Variants in SLIT3 observed in about 807,000 individuals in gnomAD.
The protein encoded by SLIT3 is slit homolog 3 protein.
Under a neutral mutation model 184.0 loss-of-function variants are expected in SLIT3, and 68 were observed. That is an observed-to-expected ratio of 0.37 (90% CI 0.30 to 0.45). The LOEUF (loss-of-function observed/expected upper bound fraction) is 0.45, where lower values mean the gene tolerates loss of function less well. Ranked by LOEUF, SLIT3 falls within the 20% of genes least tolerant of loss-of-function variation. The pLI is 1.00. For missense variants in SLIT3, 1,707 were observed against 2,026.0 expected, an observed-to-expected ratio of 0.84 and a Z score of 3.02; for synonymous variants, 831 against 828.6, an observed-to-expected ratio of 1.00 and a Z score of -0.05.
Position 168,853,717 on chromosome 5 carries a change from G to A in SLIT3, c.486-9062C>T, listed in dbSNP as rs1291421603. Among the ~76,000 whole-genome samples, 11 of 152,288 alleles carry A rather than the reference G, an allele frequency of 7.2e-5. No individual in the cohort carries two copies. In the East Asian group the frequency reaches 9.7e-4, roughly 13 times the overall value. On this transcript the variant is annotated intron_variant, in intron 5 of 35. Coordinates refer to ENST00000519560, the MANE Select transcript of SLIT3 (RefSeq NM_003062.4). ...TGAACCCAGTTCTGTCCATGCTCAC[G>A]ATGACTGTAAGAGATGCTGCTCCTC...
chr5:168,774,641 G>T lies in SLIT3; in HGVS notation c.1152-263C>A, dbSNP rs1381813749. Among the ~76,000 whole-genome samples, 7 of 152,264 alleles carry T rather than the reference G, an allele frequency of 4.6e-5. No individual in the cohort carries two copies. The South Asian group carries it at 1.5e-3, about 32-fold the overall frequency. ...CTTGGCACCTTCTCTTGCACCCATG[G>T]CCTTGAAGGAAGACCTGAAAAGGCA... On this transcript the variant is annotated intron_variant, in intron 12 of 35. Transcript: ENST00000519560.
intron 4 of SLIT3, among the ~76,000 whole-genome samples, chr5:168,899,976 G>A (rs767400721): frequency 2.6e-5 from 4 of 152,148 alleles, no homozygotes; most frequent in Non-Finnish European, 4.4e-5. Flanking sequence ...AAAGAGAAGC[G>A]AGAATATTCA....
At chr5:168,965,058 G>T (rs1295056580) in intron 4 of SLIT3, among the ~76,000 whole-genome samples, 1 of 152,154 alleles carries the variant, frequency 6.6e-6, no homozygotes, top group Non-Finnish European at 1.5e-5. Flanking sequence ...CTTAAATGGT[G>T]CACCCTGGGC....
chr5:168,865,555 G>A (rs1486434964), intron 5 of SLIT3, among the ~76,000 whole-genome samples: 1 of 152,214 alleles, frequency 6.6e-6, no homozygotes, highest in East Asian at 1.9e-4. Context: ...ACAGAAAGCA[G>A]ATTGGTGTTC....
At chr5:168,735,877 A>G (rs190988998) in intron 20 of SLIT3, among the ~76,000 whole-genome samples, 170 of 152,286 alleles carry the variant, frequency 1.1e-3, no homozygotes, top group Middle Eastern at 6.8e-3. Flanking sequence ...TATACCTACA[A>G]GAACTTACAT....
intron 4 of SLIT3, among the ~76,000 whole-genome samples, chr5:169,037,150 CA>C (rs1430098699): frequency 6.6e-6 from 1 of 152,220 alleles, no homozygotes; most frequent in Non-Finnish European, 1.5e-5. Flanking sequence ...AAGGCATTGC[CA>C]GGGGCACTAC....
intron 1 of SLIT3, among the ~76,000 whole-genome samples, chr5:169,254,885 C>T (rs1003954655): frequency 3.3e-5 from 5 of 152,182 alleles, no homozygotes; most frequent in African/African-American, 9.7e-5. Context: ...AAGCCAGAAT[C>T]GCCCAGCTGA....
intron 4 of SLIT3, among the ~76,000 whole-genome samples, chr5:169,070,888 G>C (rs1382520664): frequency 6.6e-6 from 1 of 150,666 alleles, no homozygotes; most frequent in Non-Finnish European, 1.5e-5. Flanking sequence ...AAAACATTTA[G>C]AATCACATGT....
At chr5:168,872,174 T>C (rs1048747904) in intron 5 of SLIT3, among the ~76,000 whole-genome samples, 30 of 152,024 alleles carry the variant, frequency 2.0e-4, no homozygotes. Flanking sequence ...ACCAAATAAA[T>C]ATAAGCTGTT....
intron 33 of SLIT3, 54 bp downstream of exon 33, chr5:168,673,123 C>A: frequency 6.3e-7 from 1 of 1,581,146 alleles, no homozygotes; most frequent in Non-Finnish European, 8.7e-7. Context: ...GGTTTCTGTA[C>A]TGGAGCACAG....
chr5:169,230,058 C>T (rs1191826304), intron 3 of SLIT3, among the ~76,000 whole-genome samples: 3 of 152,160 alleles, frequency 2.0e-5, no homozygotes, highest in Non-Finnish European at 2.9e-5. Flanking sequence ...TTTCAGTAAT[C>T]AATGGTACTT....
At chr5:169,286,842 A>G (rs894025586) in intron 1 of SLIT3, among the ~76,000 whole-genome samples, 3 of 152,234 alleles carry the variant, frequency 2.0e-5, no homozygotes, top group African/African-American at 4.8e-5. Flanking sequence ...TTCGTTAGCA[A>G]CACAGACAAA....
intron 4 of SLIT3, among the ~76,000 whole-genome samples, chr5:169,034,457 TC>T (rs1757155530): frequency 6.6e-6 from 1 of 152,200 alleles, no homozygotes; most frequent in African/African-American, 2.4e-5. Context: ...CCAATTTCGT[TC>T]TTTTACATGT....
intron 4 of SLIT3, among the ~76,000 whole-genome samples, chr5:169,047,210 C>G (rs1757657004): frequency 2.0e-5 from 3 of 152,282 alleles, no homozygotes; most frequent in Non-Finnish European, 4.4e-5. Context: ...CTTCTCGAGC[C>G]TCCTCTGGAT....
At chr5:168,781,024 C>T (rs1002444302) in intron 12 of SLIT3, among the ~76,000 whole-genome samples, 1 of 152,206 alleles carries the variant, frequency 6.6e-6, no homozygotes, top group Non-Finnish European at 1.5e-5. Flanking sequence ...GCAACAGTGG[C>T]TCTTCCCTTC....
chr5:168,724,536 C>A (rs1413915604), intron 20 of SLIT3, 52 bp from the exon 21 acceptor site: 2 of 1,520,038 alleles, frequency 1.3e-6, no homozygotes, highest in Admixed American at 3.5e-5. Flanking sequence ...TGTACAAATT[C>A]TCACCTTTTC....
chr5:169,131,242 C>A (rs1761284310), intron 4 of SLIT3, among the ~76,000 whole-genome samples: 1 of 152,220 alleles, frequency 6.6e-6, no homozygotes. Flanking sequence ...TTGGGGATTA[C>A]TGATTGTAAA....
At chr5:168,748,157 C>T in intron 20 of SLIT3, 145 bp downstream of exon 20, 1 of 927,890 alleles carries the variant, frequency 1.1e-6, no homozygotes, top group Non-Finnish European at 1.5e-6. Flanking sequence ...GAGGGCTCCA[C>T]TGCCATCTTG....
At chr5:168,851,748 G>A (rs905922984) in intron 5 of SLIT3, among the ~76,000 whole-genome samples, 6 of 152,158 alleles carry the variant, frequency 3.9e-5, no homozygotes, top group African/African-American at 9.7e-5. Context: ...GGCCAACTGC[G>A]ATGGCTGCTT....
Sources: allele counts gnomAD v4.1 joint callset (sites outside exome capture counted in the v4.1 genomes callset), GRCh38; gene constraint gnomAD v4.1.1; transcripts MANE v1.5; gene names NCBI Gene and HGNC (gene_info 2026-07-23, HGNC 2026-07-21).